The following CDK6 variants were observed in gnomAD, a reference collection of about 807,000 sequenced individuals.
CDK6 encodes cyclin dependent kinase 6, also known as cyclin-dependent kinase 6.
CDK6 carries 6 observed loss-of-function variants against 37.1 expected under a neutral mutation model. The ratio of observed to expected loss-of-function variants is 0.16; its 90% confidence interval spans 0.09 to 0.32. CDK6 has a LOEUF of 0.32. CDK6 is among the 10% of genes least tolerant of loss of function. The pLI is 1.00. For synonymous variants in CDK6, 160 were observed against 161.3 expected, an observed-to-expected ratio of 0.99 and a Z score of 0.06; for missense variants, 224 against 418.9, an observed-to-expected ratio of 0.53 and a Z score of 4.06.
chr7:92,725,567 G>T, intron 4 of CDK6, 59 bp downstream of exon 4: 1 of 1,509,792 alleles, frequency 6.6e-7, no homozygotes, highest in Non-Finnish European at 9.1e-7. Context: ...AAGAGGGACA[G>T]ACTGTCATTC....
intron 7 of CDK6, among the ~76,000 whole-genome samples, chr7:92,616,901 T>A (rs1028236872): frequency 6.6e-6 from 1 of 151,870 alleles, no homozygotes; most frequent in Middle Eastern, 3.2e-3. Context: ...GAAATATGGT[T>A]AAAAAAAAGG....
At chr7:92,710,371 T>C (rs1193163879) in intron 4 of CDK6, among the ~76,000 whole-genome samples, 1 of 152,228 alleles carries the variant, frequency 6.6e-6, no homozygotes, top group Admixed American at 6.5e-5. Context: ...GTATGTGATA[T>C]AATGCTTTTG....
intron 3 of CDK6, among the ~76,000 whole-genome samples, chr7:92,763,104 G>A (rs941223054): frequency 2.0e-5 from 3 of 152,124 alleles, no homozygotes; most frequent in African/African-American, 7.2e-5. Context: ...AACAAGTATG[G>A]CCAGTGACAA....
chr7:92,753,119 A>T (rs924317559), intron 3 of CDK6, among the ~76,000 whole-genome samples: 1 of 152,146 alleles, frequency 6.6e-6, no homozygotes, highest in Admixed American at 6.5e-5. Flanking sequence ...TATATGCTTC[A>T]CCTGTGAATA....
intron 4 of CDK6, among the ~76,000 whole-genome samples, chr7:92,688,971 C>T (rs1235172542): frequency 1.3e-5 from 2 of 152,120 alleles, no homozygotes; most frequent in South Asian, 2.1e-4. Context: ...GGCTGAAGGA[C>T]AATAATCAGT....
chr7:92,626,249 A>G (rs1403696467), intron 5 of CDK6, among the ~76,000 whole-genome samples: 1 of 152,062 alleles, frequency 6.6e-6, no homozygotes, highest in East Asian at 1.9e-4. Context: ...ATTTCAAAGT[A>G]TATAATTATA....
At position 92,613,978 on chromosome 7, in the gene CDK6, G is replaced by A. The variant is rs1463169833; in HGVS notation, c.*1162C>T. The stretch of plus-strand genomic sequence containing the variant: ...GAACAGCTTAAGCAATCTGTTATTA[G>A]TTATACAATGGTAGCAATATATTTC... On this transcript the variant is annotated 3_prime_UTR_variant, in exon 8 of 8. Coordinates refer to ENST00000424848, the MANE Select transcript of CDK6 (RefSeq NM_001145306.2). 1 of 233,206 alleles carries A rather than the reference G, an allele frequency of 4.3e-6. No homozygotes were observed. Among genetic ancestry groups the A allele is most frequent in the African/African-American group, 2.2e-5 (1 of 45,478 alleles). 14.4% of individuals were successfully genotyped at this position (233,206 alleles called of 1,614,324 possible). A position where few individuals can be genotyped will look rare whatever the true frequency, so the allele number is the denominator to read the frequency against.
chr7:92,749,067 C>A (rs1349756574), intron 3 of CDK6, among the ~76,000 whole-genome samples: 1 of 151,942 alleles, frequency 6.6e-6, no homozygotes, highest in Non-Finnish European at 1.5e-5. Context: ...GGCGTGGTGG[C>A]GCATGCCTGT....
intron 4 of CDK6, among the ~76,000 whole-genome samples, chr7:92,685,537 C>T (rs555467539): frequency 1.5e-4 from 23 of 152,192 alleles, no homozygotes; most frequent in Non-Finnish European, 3.4e-4. Context: ...CAGGTAGCTT[C>T]TTTTATCCTG....
chr7:92,787,276 A>G (rs10263804), intron 2 of CDK6, among the ~76,000 whole-genome samples: 5,641 of 151,940 alleles, frequency 0.037, 317 homozygotes, highest in African/African-American at 0.13. Flanking sequence ...TTGCTCATCT[A>G]AACTTTCTAC....
intron 3 of CDK6, among the ~76,000 whole-genome samples, chr7:92,765,363 A>G (rs1799554605): frequency 6.6e-6 from 1 of 152,112 alleles, no homozygotes; most frequent in African/African-American, 2.4e-5. Context: ...AATATATCTT[A>G]TAGTTTTGGT....
chr7:92,605,594 G>T lies in CDK6; in HGVS notation c.*9546C>A, dbSNP rs534258877. 1.1e-4 allele frequency: 26 copies of T among 233,156 alleles called. No homozygotes were observed. Among genetic ancestry groups the T allele is most frequent in the Middle Eastern group, 1.3e-3 (1 of 786 alleles). The allele number at this position is 233,156 out of a possible 1,614,324, so 14.4% of individuals were successfully genotyped here. A position where few individuals can be genotyped will look rare whatever the true frequency, so the allele number is the denominator to read the frequency against. ...CTGGCTATATTTTCATCTGCCTCTT[G>T]GGAAAGGAGCAAGAGCATTCAGCTC... On this transcript the variant is annotated 3_prime_UTR_variant, in exon 8 of 8. Coordinates refer to ENST00000424848, the MANE Select transcript of CDK6 (RefSeq NM_001145306.2).
At chr7:92,791,805 G>A (rs1012550371) in intron 2 of CDK6, among the ~76,000 whole-genome samples, 1 of 152,112 alleles carries the variant, frequency 6.6e-6, no homozygotes, top group Non-Finnish European at 1.5e-5. Context: ...CATGTCCAAA[G>A]GTATGTAGGT....
rs1157396152 is a variant in CDK6, at chr7:92,656,035, G to A, written c.647+15391C>T. 2.0e-5 allele frequency among the ~76,000 whole-genome samples: 3 copies of A among 152,126 alleles called. No homozygotes were observed. In the East Asian group the frequency reaches 5.8e-4, roughly 29 times the overall value. Reference sequence around the variant, plus strand: ...TGTATTTCCAGAGAAGGTTAAAGGCGAAAGACCATGCGGAATGCTCTATAT... The same window carrying A: ...TGTATTTCCAGAGAAGGTTAAAGGCAAAAGACCATGCGGAATGCTCTATAT... On this transcript the variant is annotated intron_variant, in intron 5 of 7. Coordinates refer to ENST00000424848, the MANE Select transcript of CDK6 (RefSeq NM_001145306.2).
chr7:92,771,439 T>C (rs1799716964), intron 3 of CDK6, among the ~76,000 whole-genome samples: 1 of 152,184 alleles, frequency 6.6e-6, no homozygotes, highest in Non-Finnish European at 1.5e-5. Flanking sequence ...ACCTATGATT[T>C]GGATCCTTTG....
intron 2 of CDK6, 105 bp downstream of exon 2, chr7:92,832,986 C>G: frequency 1.3e-6 from 1 of 769,522 alleles, no homozygotes; most frequent in Admixed American, 2.4e-5. Context: ...CAGGACCTCC[C>G]CAGTCGCCCT....
At chr7:92,802,167 T>C (rs1186785887) in intron 2 of CDK6, among the ~76,000 whole-genome samples, 1 of 151,964 alleles carries the variant, frequency 6.6e-6, no homozygotes, top group African/African-American at 2.4e-5. Flanking sequence ...CCTCTGATCA[T>C]CCACCCCTCC....
intron 3 of CDK6, among the ~76,000 whole-genome samples, chr7:92,740,649 C>A (rs1369532238): frequency 1.3e-5 from 2 of 152,166 alleles, no homozygotes; most frequent in Admixed American, 6.5e-5. Context: ...TACATTATTT[C>A]ATTTATTTTT....
intron 4 of CDK6, among the ~76,000 whole-genome samples, chr7:92,720,607 T>C (rs1044260480): frequency 3.9e-5 from 6 of 152,198 alleles, no homozygotes; most frequent in African/African-American, 1.4e-4. Flanking sequence ...CTTCCTGAGC[T>C]TGCTGGTCAC....
Sources: allele counts gnomAD v4.1 joint callset (sites outside exome capture counted in the v4.1 genomes callset), GRCh38; gene constraint gnomAD v4.1.1; transcripts MANE v1.5; gene names NCBI Gene and HGNC (gene_info 2026-07-23, HGNC 2026-07-21).